The following FAM161A variants were observed in gnomAD, a reference collection of about 807,000 sequenced individuals.
FAM161A encodes protein FAM161A.
FAM161A carries 57 observed loss-of-function variants against 70.9 expected under a neutral mutation model. That is an observed-to-expected ratio of 0.80 (90% CI 0.65 to 1.00). The LOEUF is 1.00. Ranked by LOEUF, FAM161A falls within the 50% of genes least tolerant of loss-of-function variation. FAM161A has a pLI of 0.00. For missense variants in FAM161A, 880 were observed against 836.0 expected, an observed-to-expected ratio of 1.05 and a Z score of -0.65; for synonymous variants, 299 against 295.7, an observed-to-expected ratio of 1.01 and a Z score of -0.12.
chr2:61,813,577 G>T, the FAM161A span, among the ~76,000 whole-genome samples: 2 of 145,874 alleles, frequency 1.4e-5, no homozygotes, highest in African/African-American at 5.1e-5. Context: ...AAAAGAGCCA[G>T]ATGTGGTGGC....
intron 5 of FAM161A, among the ~76,000 whole-genome samples, chr2:61,835,244 G>C (rs561992009): frequency 6.6e-6 from 1 of 152,278 alleles, no homozygotes; most frequent in African/African-American, 2.4e-5. Flanking sequence ...GTAACCTCCA[G>C]TGATTTTGTC....
intron 5 of FAM161A, among the ~76,000 whole-genome samples, chr2:61,831,745 T>G (rs1483006092): frequency 1.3e-5 from 2 of 152,110 alleles, no homozygotes; most frequent in Non-Finnish European, 2.9e-5. Flanking sequence ...GCATATAAAG[T>G]GCTTAGTGGA....
intron 5 of FAM161A, among the ~76,000 whole-genome samples, chr2:61,832,757 C>T (rs1329706059): frequency 5.3e-5 from 8 of 152,184 alleles, no homozygotes; most frequent in Non-Finnish European, 1.2e-4. Context: ...TTATGAGAAT[C>T]TAACGCCTGA....
chr2:61,818,645 T>C, the FAM161A span, among the ~76,000 whole-genome samples: 1 of 152,210 alleles, frequency 6.6e-6, no homozygotes, highest in Non-Finnish European at 1.5e-5. Flanking sequence ...TTGTGCATCA[T>C]GATGATACCT....
intron 1 of FAM161A, among the ~76,000 whole-genome samples, chr2:61,852,027 C>T (rs543527440): frequency 2.0e-5 from 3 of 152,160 alleles, no homozygotes; most frequent in Admixed American, 6.5e-5. Flanking sequence ...GAGCCTATTT[C>T]CTGCACTCTT....
the FAM161A span, among the ~76,000 whole-genome samples, chr2:61,807,330 C>G: frequency 6.6e-6 from 1 of 151,274 alleles, no homozygotes; most frequent in Non-Finnish European, 1.5e-5. Flanking sequence ...GAATAAATCA[C>G]AAAATAAAAG....
At chr2:61,843,251 C>T (rs1185102325) in intron 1 of FAM161A, among the ~76,000 whole-genome samples, 4 of 152,146 alleles carry the variant, frequency 2.6e-5, no homozygotes, top group African/African-American at 9.7e-5. Flanking sequence ...CCTCAGACTC[C>T]CAAGTAGCTG....
chr2:61,814,624 A>C, the FAM161A span, among the ~76,000 whole-genome samples: 1 of 152,154 alleles, frequency 6.6e-6, no homozygotes, highest in Non-Finnish European at 1.5e-5. Context: ...TTGAGGTGAG[A>C]GGATCGCTTG....
Position 61,825,483 on chromosome 2 carries a change from A to G in FAM161A, c.*972T>C, listed in dbSNP as rs1177342471. The G allele has an allele frequency of 2.2e-6, 1 of 448,492 alleles. No individual in the cohort carries two copies. Among genetic ancestry groups the G allele is most frequent in the Non-Finnish European group, 4.4e-6 (1 of 225,442 alleles). 27.8% of individuals were successfully genotyped at this position (448,492 alleles called of 1,614,324 possible). On this transcript the variant is annotated 3_prime_UTR_variant, in exon 7 of 7. Coordinates refer to ENST00000404929, the MANE Select transcript of FAM161A (RefSeq NM_001201543.2). ...TGTAATAATACATAGGGTTAAAAAA[A>G]CTAGTATAAAAACTTTCCTAATAAT...
chr2:61,800,336 G>A, the FAM161A span, among the ~76,000 whole-genome samples: 1 of 152,206 alleles, frequency 6.6e-6, no homozygotes, highest in Admixed American at 6.5e-5. Context: ...TGTAAACAGA[G>A]ACCCAATTAC....
the FAM161A span, among the ~76,000 whole-genome samples, chr2:61,819,749 G>A: frequency 1.9e-4 from 29 of 152,046 alleles, no homozygotes; most frequent in African/African-American, 7.0e-4. Context: ...TAACTTTTAG[G>A]GTTAGCAAAA....
intron 5 of FAM161A, among the ~76,000 whole-genome samples, chr2:61,834,261 A>C (rs1405867914): frequency 6.6e-6 from 1 of 152,142 alleles, no homozygotes; most frequent in Non-Finnish European, 1.5e-5. Context: ...ACGGAAAACC[A>C]AACATCATAT....
intron 5 of FAM161A, chr2:61,835,799 G>A (rs185024198): frequency 5.7e-6 from 3 of 530,420 alleles, no homozygotes; most frequent in Middle Eastern, 5.2e-4. Flanking sequence ...CAAGTAGCTG[G>A]GACTACAGGT....
At chr2:61,828,471 G>C (rs1421901967) in intron 5 of FAM161A, among the ~76,000 whole-genome samples, 1 of 152,082 alleles carries the variant, frequency 6.6e-6, no homozygotes, top group African/African-American at 2.4e-5. Context: ...TGGGACCATA[G>C]GCGCGTGCCA....
Position 61,825,885 on chromosome 2 carries a change from T to A in FAM161A, c.*570A>T. 1 of 453,828 alleles carries A rather than the reference T, an allele frequency of 2.2e-6. No individual in the cohort carries two copies. The highest frequency in any genetic ancestry group is 4.4e-6 in the Non-Finnish European group (1 of 226,670). 28.1% of individuals were successfully genotyped at this position (453,828 alleles called of 1,614,324 possible). A position where few individuals can be genotyped will look rare whatever the true frequency, so the allele number is the denominator to read the frequency against. ...ATCTCCTGACCTCGTGATCCACCCG[T>A]CTCGGCCTCCCAAAATGCTGGGATT... On this transcript the variant is annotated 3_prime_UTR_variant, in exon 7 of 7. Coordinates refer to ENST00000404929, the MANE Select transcript of FAM161A (RefSeq NM_001201543.2).
chr2:61,842,079 T>C, intron 2 of FAM161A, 43 bp downstream of exon 2: 1 of 1,245,476 alleles, frequency 8.0e-7, no homozygotes. Flanking sequence ...TAAGGATACA[T>C]TTTATTTTAT....
chr2:61,826,031 A>G lies in FAM161A; in HGVS notation c.*424T>C. 1 of 455,154 alleles carries G rather than the reference A, an allele frequency of 2.2e-6. No homozygotes were observed. The highest frequency in any genetic ancestry group is 4.4e-6 in the Non-Finnish European group (1 of 227,472). 28.2% of individuals were successfully genotyped at this position (455,154 alleles called of 1,614,324 possible). On this transcript the variant is annotated 3_prime_UTR_variant, in exon 7 of 7. Transcript: ENST00000404929. ...CTGCAGAGAAAAAGAATGGGCAAAT[A>G]GTATAATTAAAAATAGTTATTGATT...
At position 61,825,108 on chromosome 2, in the gene FAM161A, C is replaced by T; in HGVS notation, c.*1347G>A. 2.2e-6 allele frequency: 1 copy of T among 452,578 alleles called. No homozygotes were observed. Among genetic ancestry groups the T allele is most frequent in the Non-Finnish European group, 4.4e-6 (1 of 226,434 alleles). The allele number at this position is 452,578 out of a possible 1,614,324, so 28.0% of individuals were successfully genotyped here. On this transcript the variant is annotated 3_prime_UTR_variant, in exon 7 of 7. Coordinates refer to ENST00000404929, the MANE Select transcript of FAM161A (RefSeq NM_001201543.2). ...AGTTTGGAAACACTGCTATTACATA[C>T]ACCTGTATTAGTTCATCCTTTTAAA...
chr2:61,838,153 T>C (rs1437257235), intron 4 of FAM161A, among the ~76,000 whole-genome samples: 2 of 152,266 alleles, frequency 1.3e-5, no homozygotes, highest in Admixed American at 1.3e-4. Context: ...TAACCGATGT[T>C]TAACGTGTTA....
Sources: allele counts gnomAD v4.1 joint callset (sites outside exome capture counted in the v4.1 genomes callset), GRCh38; gene constraint gnomAD v4.1.1; transcripts MANE v1.5; gene names NCBI Gene and HGNC (gene_info 2026-07-23, HGNC 2026-07-21).